Variants in GJD3 observed in about 807,000 individuals in gnomAD.
GJD3 encodes the protein gap junction delta-3 protein.
For synonymous variants in GJD3, 217 were observed against 226.7 expected (o/e 0.96, Z 0.38); for missense variants, 421 against 448.5 (o/e 0.94, Z 0.55).
Position 40,364,102 on chromosome 17 carries a change from C to T in GJD3, c.-287G>A, listed in dbSNP as rs893270308. On this transcript the variant is annotated 5_prime_UTR_variant, in exon 1 of 1. Transcript: ENST00000578689. ...TTAGCCGCACCCCCTGAGCCGTCTC[C>T]GTTCGACCCTGGGATCCTCCAGATC... 1 of 367,738 alleles carries T rather than the reference C, an allele frequency of 2.7e-6. No individual in the cohort carries two copies. Among genetic ancestry groups the T allele is most frequent in the East Asian group, 5.6e-5 (1 of 17,936 alleles). 22.8% of individuals were successfully genotyped at this position (367,738 alleles called of 1,614,324 possible).
Position 40,363,281 on chromosome 17 carries a change from A to T in GJD3, c.535T>A (p.Cys179Ser). 1 of 1,423,914 alleles carries T rather than the reference A, an allele frequency of 7.0e-7. No homozygotes were observed. Among genetic ancestry groups the T allele is most frequent in the Non-Finnish European group, 9.2e-7 (1 of 1,085,550 alleles). 88.2% of individuals were successfully genotyped at this position (1,423,914 alleles called of 1,614,324 possible). ...TTCTCGGTGGGCCGGCTCACGAAGCAGTCGACCGTGTGCGGGCAGGGCGGA... is the reference window on the plus strand; with the variant it reads ...TTCTCGGTGGGCCGGCTCACGAAGCTGTCGACCGTGTGCGGGCAGGGCGGA... Reference protein sequence around the residue: ...AGPPCPHTVDCFVSRPTEKTV... With the variant: ...AGPPCPHTVDSFVSRPTEKTV... Residue 179 changes from cysteine to serine, a missense_variant, in exon 1 of 1, where the codon TGC becomes AGC. Cys to Ser is a moderately radical substitution (Grantham distance 112). Coordinates refer to ENST00000578689, the MANE Select transcript of GJD3 (RefSeq NM_152219.4). This position sits in a 1 kb window ranked among gnomAD's most constrained non-coding sequence, Gnocchi z 5.5.
rs2034764815 is a variant in GJD3, at chr17:40,362,905, C to A, written c.*26G>T. On this transcript the variant is annotated 3_prime_UTR_variant, in exon 1 of 1. Transcript: ENST00000578689. Reference sequence around the variant, plus strand: ...GTGGCGGGGTCCGGCCCTCGCCGTCCAGTCCGCGCGAGGCGGTGCCCGCCC... The same window carrying A: ...GTGGCGGGGTCCGGCCCTCGCCGTCAAGTCCGCGCGAGGCGGTGCCCGCCC... 2.5e-6 allele frequency: 3 copies of A among 1,202,014 alleles called. No homozygotes were observed. The highest frequency in any genetic ancestry group is 3.1e-6 in the Non-Finnish European group (3 of 967,014). 74.5% of individuals were successfully genotyped at this position (1,202,014 alleles called of 1,614,324 possible). A position where few individuals can be genotyped will look rare whatever the true frequency, so the allele number is the denominator to read the frequency against.
At position 40,363,535 on chromosome 17, in the gene GJD3, A is replaced by T. The variant is rs1200924359; in HGVS notation, c.281T>A (p.Val94Asp). ...CTTGCCTGCCCGGTGCATGGAGTAG[A>T]CGACGAACAGCACCGGGGGCGCCGA... ...LLSAPPVLFV[V>D]YSMHRAGKEA... The change falls in exon 1 of 1, where the codon GTC (valine) becomes GAC (aspartate). Residue 94 changes from valine (V) to aspartate (D), a missense_variant. Transcript: ENST00000578689. The surrounding 1 kb of genome is among the most constrained non-coding windows in gnomAD (Gnocchi z 5.5). 3.8e-6 allele frequency: 6 copies of T among 1,568,564 alleles called. No individual in the cohort carries two copies. Among genetic ancestry groups the T allele is most frequent in the Middle Eastern group, 1.7e-4 (1 of 6,002 alleles).
rs190167816 is a variant in GJD3, at chr17:40,363,804, C to T, written c.12G>A (p.Trp4Ter). 91 of 1,604,264 alleles carry T rather than the reference C, an allele frequency of 5.7e-5. No individual in the cohort carries two copies. The East Asian group carries it at 1.9e-3, about 34-fold the overall frequency. MGE[W>*]AFLGSLLDAV... ...CGTCCAGCAGCGAGCCCAGGAACGC[C>T]CACTCCCCCATGGCGCTGGGGACGC... The change falls in exon 1 of 1, where the codon TGG (tryptophan) becomes TGA (stop). Residue 4 changes from tryptophan (W) to a stop codon, truncating the protein, a stop_gained. Coordinates refer to ENST00000578689, the MANE Select transcript of GJD3 (RefSeq NM_152219.4). LOFTEE classifies it low-confidence loss of function (END_TRUNC). The surrounding 1 kb of genome is among the most constrained non-coding windows in gnomAD (Gnocchi z 5.5).
In GJD3 at chr17:40,363,166, C is replaced by T; in HGVS notation, c.650G>A (p.Arg217His). The change falls in exon 1 of 1, where the codon CGC (arginine) becomes CAC (histidine). Residue 217 changes from arginine (R) to histidine (H), a missense_variant. Coordinates refer to ENST00000578689, the MANE Select transcript of GJD3 (RefSeq NM_152219.4). The surrounding 1 kb of genome is among the most constrained non-coding windows in gnomAD (Gnocchi z 5.5). Reference protein sequence around the residue: ...AELGHLLWKGRPRAGERDNRC... With the variant: ...AELGHLLWKGHPRAGERDNRC... ...GTTGTCACGCTCCCCGGCGCGCGGG[C>T]GGCCCTTCCAGAGCAGGTGGCCCAG... 7.0e-7 allele frequency: 1 copy of T among 1,423,904 alleles called. No individual in the cohort carries two copies. The allele number at this position is 1,423,904 out of a possible 1,614,324, so 88.2% of individuals were successfully genotyped here. A position where few individuals can be genotyped will look rare whatever the true frequency, so the allele number is the denominator to read the frequency against.
Position 40,363,972 on chromosome 17 carries a change from A to G in GJD3, c.-157T>C. On this transcript the variant is annotated 5_prime_UTR_variant, in exon 1 of 1. Transcript: ENST00000578689. This position sits in a 1 kb window ranked among gnomAD's most constrained non-coding sequence, Gnocchi z 5.5. ...CGGGTTTAGCGATGAGACCAGTATG[A>G]AACGGAGGGCCACGGGAGGGCCCGA... 9.5e-7 allele frequency: 1 copy of G among 1,050,946 alleles called. No homozygotes were observed. The highest frequency in any genetic ancestry group is 1.4e-6 in the Non-Finnish European group (1 of 734,836). 65.1% of individuals were successfully genotyped at this position (1,050,946 alleles called of 1,614,324 possible). A position where few individuals can be genotyped will look rare whatever the true frequency, so the allele number is the denominator to read the frequency against.
In GJD3 at chr17:40,360,772, G is replaced by C; in HGVS notation, c.*2159C>G. On this transcript the variant is annotated 3_prime_UTR_variant, in exon 1 of 1. Transcript: ENST00000578689. Reference sequence around the variant, plus strand: ...CTTGAACATCTTCTGACACACAGTAGGTACCCTACAAATATTTGTTGAATG... The same window carrying C: ...CTTGAACATCTTCTGACACACAGTACGTACCCTACAAATATTTGTTGAATG... 1 of 276,366 alleles carries C rather than the reference G, an allele frequency of 3.6e-6. No individual in the cohort carries two copies. Among genetic ancestry groups the C allele is most frequent in the Non-Finnish European group, 7.2e-6 (1 of 139,694 alleles). The allele number at this position is 276,366 out of a possible 1,614,324, so 17.1% of individuals were successfully genotyped here. A position where few individuals can be genotyped will look rare whatever the true frequency, so the allele number is the denominator to read the frequency against.
rs1302754191 is a variant in GJD3 at position 40,364,611 on chromosome 17, G to C, written c.-796C>G. 2 of 167,030 alleles carry C rather than the reference G, an allele frequency of 1.2e-5. No homozygotes were observed. Among genetic ancestry groups the C allele is most frequent in the Non-Finnish European group, 2.9e-5 (2 of 68,382 alleles). The allele number at this position is 167,030 out of a possible 1,614,324, so 10.3% of individuals were successfully genotyped here. A position where few individuals can be genotyped will look rare whatever the true frequency, so the allele number is the denominator to read the frequency against. On this transcript the variant is annotated 5_prime_UTR_variant, in exon 1 of 1. Transcript: ENST00000578689. The stretch of plus-strand genomic sequence containing the variant: ...ACCGCCACCCAACCCCACTCACCCT[G>C]GGGCCGGGACTGGGGTGTCAGAGCT...
chr17:40,363,427 C>CGGGCGCGCA lies in GJD3; in HGVS notation c.380_388dup (p.Leu127_Ala129dup), dbSNP rs1193961606. On this transcript the variant is annotated inframe_insertion, in exon 1 of 1. Coordinates refer to ENST00000578689, the MANE Select transcript of GJD3 (RefSeq NM_152219.4). The surrounding 1 kb of genome is among the most constrained non-coding windows in gnomAD (Gnocchi z 5.5). Reference sequence around the variant, plus strand: ...CAGCAGGTAGCAGCGGCGCGCGCGGCGGGCGCGCAGGGCGCACGGCGCGCA... The same window carrying CGGGCGCGCA: ...CAGCAGGTAGCAGCGGCGCGCGCGGCGGGCGCGCAGGGCGCGCAGGGCGCACGGCGCGCA... 1 of 1,306,170 alleles carries CGGGCGCGCA rather than the reference C, an allele frequency of 7.7e-7. No homozygotes were observed. The highest frequency in any genetic ancestry group is 9.7e-7 in the Non-Finnish European group (1 of 1,032,510). The allele number at this position is 1,306,170 out of a possible 1,614,324, so 80.9% of individuals were successfully genotyped here.
At position 40,364,064 on chromosome 17, in the gene GJD3, C is replaced by A. The variant is rs376796885; in HGVS notation, c.-249G>T. On this transcript the variant is annotated 5_prime_UTR_variant, in exon 1 of 1. Coordinates refer to ENST00000578689, the MANE Select transcript of GJD3 (RefSeq NM_152219.4). ...GGACCGATGGGTGCTGGGGAGGATC[C>A]CCCATTTGCATTTTAGCCGCACCCC... The A allele has an allele frequency of 1.9e-5, 9 of 480,858 alleles. No homozygotes were observed. In the Admixed American group the frequency reaches 2.3e-4, roughly 13 times the overall value. 29.8% of individuals were successfully genotyped at this position (480,858 alleles called of 1,614,324 possible).
rs2034748348 is a variant in GJD3, at chr17:40,361,084, C to A, written c.*1847G>T. ...AGCTCTGTCTTGGGGTGGGGGCTAC[C>A]AGGGGAGCCCTCTCCTTGAAGGTGT... On this transcript the variant is annotated 3_prime_UTR_variant, in exon 1 of 1. Coordinates refer to ENST00000578689, the MANE Select transcript of GJD3 (RefSeq NM_152219.4). 1.1e-5 allele frequency: 5 copies of A among 451,012 alleles called. No individual in the cohort carries two copies. Among genetic ancestry groups the A allele is most frequent in the South Asian group, 6.3e-5 (4 of 63,922 alleles). The allele number at this position is 451,012 out of a possible 1,614,324, so 27.9% of individuals were successfully genotyped here. A position where few individuals can be genotyped will look rare whatever the true frequency, so the allele number is the denominator to read the frequency against.
chr17:40,360,958 C>A lies in GJD3; in HGVS notation c.*1973G>T. ...CCTGGGGACACCTTCAGTTTCTCAT[C>A]CAACACATATTTACTGAGCACATAC... On this transcript the variant is annotated 3_prime_UTR_variant, in exon 1 of 1. Transcript: ENST00000578689. 1 of 455,624 alleles carries A rather than the reference C, an allele frequency of 2.2e-6. No individual in the cohort carries two copies. The highest frequency in any genetic ancestry group is 4.4e-6 in the Non-Finnish European group (1 of 226,402). 28.2% of individuals were successfully genotyped at this position (455,624 alleles called of 1,614,324 possible).
rs759691964 is a variant in GJD3, at chr17:40,363,777, G to C, written c.39C>G (p.Ala13=). Residue 13 remains alanine, a synonymous_variant, in exon 1 of 1, where the codon GCC becomes GCG. Transcript: ENST00000578689. The surrounding 1 kb of genome is among the most constrained non-coding windows in gnomAD (Gnocchi z 5.5). ...CCACGAGCGGCGACTGCAGCTGCAC[G>C]GCGTCCAGCAGCGAGCCCAGGAACG... ...EWAFLGSLLD[A]VQLQSPLVGR... The C allele has an allele frequency of 6.2e-6, 10 of 1,608,526 alleles. No homozygotes were observed. The highest frequency in any genetic ancestry group is 2.2e-5 in the South Asian group (2 of 90,560).
rs549667761 is a variant in GJD3, at chr17:40,363,899, C to T, written c.-84G>A. The T allele has an allele frequency of 1.4e-6, 2 of 1,473,330 alleles. No individual in the cohort carries two copies. Among genetic ancestry groups the T allele is most frequent in the South Asian group, 1.4e-5 (1 of 71,344 alleles). 91.3% of individuals were successfully genotyped at this position (1,473,330 alleles called of 1,614,324 possible). ...CTTCCAAGCCTATCGGGGTGGGGTC[C>T]GTTGGACCTTCTCTGACTTCAGGGT... On this transcript the variant is annotated 5_prime_UTR_variant, in exon 1 of 1. Coordinates refer to ENST00000578689, the MANE Select transcript of GJD3 (RefSeq NM_152219.4). The surrounding 1 kb of genome is among the most constrained non-coding windows in gnomAD (Gnocchi z 5.5).
In GJD3 at chr17:40,363,395, C is replaced by T; in HGVS notation, c.421G>A (p.Ala141Thr). 1.4e-6 allele frequency: 2 copies of T among 1,380,222 alleles called. No individual in the cohort carries two copies. Among genetic ancestry groups the T allele is most frequent in the Admixed American group, 3.2e-5 (1 of 30,912 alleles). The allele number at this position is 1,380,222 out of a possible 1,614,324, so 85.5% of individuals were successfully genotyped here. A position where few individuals can be genotyped will look rare whatever the true frequency, so the allele number is the denominator to read the frequency against. Residue 141 changes from alanine to threonine, a missense_variant, in exon 1 of 1, where the codon GCG becomes ACG. Physicochemically the swap from Ala to Thr is moderately conservative, Grantham distance 58 (BLOSUM62 0). Transcript: ENST00000578689. This position sits in a 1 kb window ranked among gnomAD's most constrained non-coding sequence, Gnocchi z 5.5. Reference protein sequence around the residue: ...RARRCYLLSVALRLLAELTFL... With the variant: ...RARRCYLLSVTLRLLAELTFL... ...GTCAGCTCGGCCAGCAGGCGCAGCG[C>T]CACGCTCAGCAGGTAGCAGCGGCGC...
chr17:40,363,386 G>A lies in GJD3; in HGVS notation c.430C>T (p.Leu144=). 1 of 1,393,068 alleles carries A rather than the reference G, an allele frequency of 7.2e-7. No homozygotes were observed. The highest frequency in any genetic ancestry group is 1.5e-5 in the South Asian group (1 of 64,786). 86.3% of individuals were successfully genotyped at this position (1,393,068 alleles called of 1,614,324 possible). Reference sequence around the variant, plus strand: ...CCCAGGAAGGTCAGCTCGGCCAGCAGGCGCAGCGCCACGCTCAGCAGGTAG... The same window carrying A: ...CCCAGGAAGGTCAGCTCGGCCAGCAAGCGCAGCGCCACGCTCAGCAGGTAG... ...RCYLLSVALR[L]LAELTFLGGQ... The change falls in exon 1 of 1, where the codon CTG becomes TTG. Residue 144 remains leucine, a synonymous_variant. Coordinates refer to ENST00000578689, the MANE Select transcript of GJD3 (RefSeq NM_152219.4). This position sits in a 1 kb window ranked among gnomAD's most constrained non-coding sequence, Gnocchi z 5.5.
Position 40,364,690 on chromosome 17 carries a change from AT to A in GJD3, c.-876del. 1 of 164,136 alleles carries A rather than the reference AT, an allele frequency of 6.1e-6. No individual in the cohort carries two copies. The highest frequency in any genetic ancestry group is 1.5e-5 in the Non-Finnish European group (1 of 68,398). 10.2% of individuals were successfully genotyped at this position (164,136 alleles called of 1,614,324 possible). A position where few individuals can be genotyped will look rare whatever the true frequency, so the allele number is the denominator to read the frequency against. On this transcript the variant is annotated 5_prime_UTR_variant, in exon 1 of 1. In the 5' UTR this introduces an upstream ATG that the reference lacks. Transcript: ENST00000578689. Reference sequence around the variant, plus strand: ...ACCGGCGCCTCCTGCTCCCTCTTTCATTTTCCCTTTCGGATTTGGCCAGGAT... The same window carrying A: ...ACCGGCGCCTCCTGCTCCCTCTTTCATTTCCCTTTCGGATTTGGCCAGGAT...
At position 40,363,922 on chromosome 17, in the gene GJD3, G is replaced by A; in HGVS notation, c.-107C>T. 7.0e-7 allele frequency: 1 copy of A among 1,431,858 alleles called. No individual in the cohort carries two copies. The highest frequency in any genetic ancestry group is 1.4e-5 in the African/African-American group (1 of 69,744). 88.7% of individuals were successfully genotyped at this position (1,431,858 alleles called of 1,614,324 possible). ...TCCGTTGGACCTTCTCTGACTTCAG[G>A]GTGAGTCGTGAGGTAGGAGAGGCCC... On this transcript the variant is annotated 5_prime_UTR_variant, in exon 1 of 1. Transcript: ENST00000578689. This position sits in a 1 kb window ranked among gnomAD's most constrained non-coding sequence, Gnocchi z 5.5.
Position 40,363,457 on chromosome 17 carries a change from G to T in GJD3, c.359C>A (p.Ala120Asp). The T allele has an allele frequency of 6.8e-7, 1 of 1,480,678 alleles. No homozygotes were observed. The highest frequency in any genetic ancestry group is 1.3e-5 in the South Asian group (1 of 75,888). 91.7% of individuals were successfully genotyped at this position (1,480,678 alleles called of 1,614,324 possible). Residue 120 changes from alanine to aspartate, a missense_variant, in exon 1 of 1, where the codon GCC (alanine) becomes GAC (aspartate). Physicochemically the swap from Ala to Asp is moderately radical, Grantham distance 126. Coordinates refer to ENST00000578689, the MANE Select transcript of GJD3 (RefSeq NM_152219.4). This position sits in a 1 kb window ranked among gnomAD's most constrained non-coding sequence, Gnocchi z 5.5. ...AAQCAPGLPE[A>D]QCAPCALRAR... Reference sequence around the variant, plus strand: ...GCGCAGGGCGCACGGCGCGCACTGGGCCTCGGGCAGTCCGGGGGCGCACTG... The same window carrying T: ...GCGCAGGGCGCACGGCGCGCACTGGTCCTCGGGCAGTCCGGGGGCGCACTG...
Sources: gnomAD v4.1 joint callset for allele counts on GRCh38, gnomAD v4.1.1 for gene constraint, Gnocchi (gnomAD v3.1) non-coding constraint, MANE v1.5 for transcripts, NCBI Gene and HGNC (gene_info 2026-07-23, HGNC 2026-07-21) for gene names.